The following IGF2BP2 variants were observed in gnomAD, a reference collection of about 807,000 sequenced individuals.
The protein encoded by IGF2BP2 is insulin like growth factor 2 mRNA binding protein 2.
In IGF2BP2, 17 loss-of-function variants were observed where a neutral mutation model predicts 75.8. The observed-to-expected ratio is 0.22, with a 90% CI of 0.15 to 0.34. The LOEUF is 0.34. IGF2BP2 is among the 10% of genes least tolerant of loss of function. IGF2BP2 has a pLI of 1.00. For synonymous variants in IGF2BP2, 288 were observed against 295.6 expected (o/e 0.97, Z 0.26); for missense variants, 516 against 772.4 (o/e 0.67, Z 3.93).
chr3:185,811,827 G>A (rs1739873075), intron 2 of IGF2BP2, among the ~76,000 whole-genome samples: 1 of 120,456 alleles, frequency 8.3e-6, no homozygotes, highest in African/African-American at 2.8e-5. Context: ...CTCAGAGTAG[G>A]GTGTCTCTCT....
chr3:185,809,663 AT>A (rs908946435), intron 2 of IGF2BP2, among the ~76,000 whole-genome samples: 11 of 152,116 alleles, frequency 7.2e-5, no homozygotes, highest in Non-Finnish European at 1.3e-4. Context: ...AAGAAAAAAA[AT>A]TTTTTAATAA....
chr3:185,719,472 A>C (rs1726162957), intron 2 of IGF2BP2, among the ~76,000 whole-genome samples: 1 of 152,168 alleles, frequency 6.6e-6, no homozygotes, highest in Non-Finnish European at 1.5e-5. Context: ...GAACATTCCT[A>C]GGAGTTAAGC....
chr3:185,820,273 C>CAT (rs931084061), intron 2 of IGF2BP2, among the ~76,000 whole-genome samples: 1 of 146,792 alleles, frequency 6.8e-6, no homozygotes, highest in Non-Finnish European at 1.5e-5. Flanking sequence ...CACACACACA[C>CAT]ATAATTTTTA....
intron 2 of IGF2BP2, among the ~76,000 whole-genome samples, chr3:185,796,465 AG>A (rs1279184126): frequency 6.7e-6 from 1 of 150,026 alleles, no homozygotes; most frequent in Non-Finnish European, 1.5e-5. Context: ...CAGGGGCCTG[AG>A]GTAGGAGAAT....
At chr3:185,692,475 T>C (rs1265602309) in intron 5 of IGF2BP2, among the ~76,000 whole-genome samples, 2 of 152,194 alleles carry the variant, frequency 1.3e-5, no homozygotes, top group East Asian at 1.9e-4. Flanking sequence ...GTGAATGTCC[T>C]GGAGCTCCAC....
intron 2 of IGF2BP2, among the ~76,000 whole-genome samples, chr3:185,736,163 C>G (rs1330343711): frequency 1.3e-5 from 2 of 152,224 alleles, no homozygotes; most frequent in Non-Finnish European, 2.9e-5. Context: ...GCTCCTGCAC[C>G]TGGTTGAAGC....
rs1273450067 is a variant in IGF2BP2 at position 185,647,265 on chromosome 3, CCTTTT to C, written c.1594-132_1594-128del. The C allele has an allele frequency of 6.5e-5, 47 of 717,666 alleles. No homozygotes were observed. Among genetic ancestry groups the C allele is most frequent in the Non-Finnish European group, 9.5e-5 (38 of 400,842 alleles). 44.5% of individuals were successfully genotyped at this position (717,666 alleles called of 1,614,324 possible). A position where few individuals can be genotyped will look rare whatever the true frequency, so the allele number is the denominator to read the frequency against. Reference sequence around the variant, plus strand: ...GGGGGGCTGGACTCTGCTCTCCTTTCCTTTTATCAAGGACACCCCGGGGGCTCCTC... The same window carrying C: ...GGGGGGCTGGACTCTGCTCTCCTTTCATCAAGGACACCCCGGGGGCTCCTC... On this transcript the variant is annotated intron_variant, in intron 14 of 15. Transcript: ENST00000382199. The surrounding 1 kb of genome is among the most constrained non-coding windows in gnomAD (Gnocchi z 4.9).
chr3:185,671,115 G>C (rs139257691), intron 10 of IGF2BP2, among the ~76,000 whole-genome samples: 9 of 152,270 alleles, frequency 5.9e-5, no homozygotes. Context: ...ACTGCTTGGC[G>C]CAGCCATGTG....
At chr3:185,672,690 A>G in intron 9 of IGF2BP2, 21 bp from the exon 10 acceptor site, 1 of 1,613,932 alleles carries the variant, frequency 6.2e-7, no homozygotes, top group Non-Finnish European at 8.5e-7. Context: ...AAATGGAGAA[A>G]AAAGATGAAG....
intron 2 of IGF2BP2, among the ~76,000 whole-genome samples, chr3:185,821,815 T>C (rs911157807): frequency 6.6e-6 from 1 of 152,166 alleles, no homozygotes; most frequent in Non-Finnish European, 1.5e-5. Context: ...TTGTTGTAAA[T>C]AGTTAATATA....
chr3:185,807,817 CAT>C (rs1273940807), intron 2 of IGF2BP2, among the ~76,000 whole-genome samples: 2 of 152,258 alleles, frequency 1.3e-5, no homozygotes, highest in Non-Finnish European at 2.9e-5. Flanking sequence ...CCAACAACCA[CAT>C]GAGTAAGCTT....
chr3:185,752,711 C>G (rs908712671), intron 2 of IGF2BP2, among the ~76,000 whole-genome samples: 2 of 152,084 alleles, frequency 1.3e-5, no homozygotes, highest in African/African-American at 2.4e-5. Flanking sequence ...TGTCTCAGCC[C>G]TCAGCCTCCT....
At chr3:185,801,489 C>CAAACAA (rs1738260431) in intron 2 of IGF2BP2, among the ~76,000 whole-genome samples, 2 of 51,664 alleles carry the variant, frequency 3.9e-5, no homozygotes, top group Non-Finnish European at 8.2e-5. Context: ...AACTCCATCT[C>CAAACAA]AAAAAAAAAA....
At chr3:185,816,797 G>A (rs893711410) in intron 2 of IGF2BP2, among the ~76,000 whole-genome samples, 3 of 151,994 alleles carry the variant, frequency 2.0e-5, no homozygotes, top group South Asian at 2.1e-4. Flanking sequence ...TTAAGATGCA[G>A]GCAAAAAATA....
At chr3:185,692,231 T>C (rs1409430729) in intron 5 of IGF2BP2, among the ~76,000 whole-genome samples, 2 of 152,242 alleles carry the variant, frequency 1.3e-5, no homozygotes, top group Non-Finnish European at 2.9e-5. Context: ...CTCCTAATGT[T>C]ACACACACAA....
chr3:185,799,038 A>C (rs1737826761), intron 2 of IGF2BP2, among the ~76,000 whole-genome samples: 1 of 150,648 alleles, frequency 6.6e-6, no homozygotes, highest in East Asian at 2.0e-4. Context: ...AGCCTCCCAA[A>C]GTGCTGAGAT....
At chr3:185,715,651 CT>C in intron 2 of IGF2BP2, among the ~76,000 whole-genome samples, 1 of 148,084 alleles carries the variant, frequency 6.8e-6, no homozygotes, top group African/African-American at 2.5e-5. Flanking sequence ...TTCTTTCTTT[CT>C]TTTTTTTTGA....
At chr3:185,707,118 G>A (rs910717148) in intron 2 of IGF2BP2, among the ~76,000 whole-genome samples, 1 of 151,250 alleles carries the variant, frequency 6.6e-6, no homozygotes, top group Non-Finnish European at 1.5e-5. Context: ...CCAGTTACTC[G>A]AGAGGCTGAG....
chr3:185,675,766 T>G, intron 8 of IGF2BP2, 25 bp downstream of exon 8: 1 of 1,610,312 alleles, frequency 6.2e-7, no homozygotes, highest in Non-Finnish European at 8.5e-7. Context: ...TTATTGGGCA[T>G]GAGTAATCTG....
Sources: allele counts gnomAD v4.1 joint callset (sites outside exome capture counted in the v4.1 genomes callset), GRCh38; gene constraint gnomAD v4.1.1; non-coding constraint Gnocchi (gnomAD v3.1); transcripts MANE v1.5; gene names NCBI Gene and HGNC (gene_info 2026-07-23, HGNC 2026-07-21).